ROCK1: variants seen among roughly 807,000 people sequenced by gnomAD.
ROCK1 encodes the protein Rho associated coiled-coil containing protein kinase 1, also known as rho-associated protein kinase 1.
ROCK1 carries 36 observed loss-of-function variants against 196.8 expected under a neutral mutation model. The observed-to-expected ratio is 0.18, with a 90% confidence interval of 0.14 to 0.24. The LOEUF (loss-of-function observed/expected upper bound fraction) is 0.24, where lower values mean the gene tolerates loss of function less well. Among genes scored for constraint, ROCK1 ranks in the 10% least tolerant of loss-of-function variants. The pLI is 1.00. For missense variants in ROCK1, 920 were observed against 1,562.0 expected, an observed-to-expected ratio of 0.59 and a Z score of 6.93; for synonymous variants, 443 against 515.9, an observed-to-expected ratio of 0.86 and a Z score of 1.91.
intron 22 of ROCK1, among the ~76,000 whole-genome samples, chr18:20,972,532 G>T (rs759154422): frequency 6.6e-6 from 1 of 152,170 alleles, no homozygotes. Context: ...AACTTTTAAC[G>T]GTCTCAGCAA....
chr18:20,969,103 A>G lies in ROCK1; in HGVS notation c.2914+12T>C, dbSNP rs1185303230. 1 of 1,522,648 alleles carries G rather than the reference A, an allele frequency of 6.6e-7. No individual in the cohort carries two copies. The highest frequency in any genetic ancestry group is 9.0e-7 in the Non-Finnish European group (1 of 1,108,566). 94.3% of individuals were successfully genotyped at this position (1,522,648 alleles called of 1,614,324 possible). On this transcript the variant is annotated intron_variant, in intron 24 of 32. Coordinates refer to ENST00000399799, the MANE Select transcript of ROCK1 (RefSeq NM_005406.3). ...TGATTTAACATGATGATTTTTTAAA[A>G]ATTCTACATACCTTCCTCTGCCTTC... is the stretch of plus-strand genomic sequence containing the variant.
At chr18:21,071,477 G>A (rs183708489) in intron 1 of ROCK1, among the ~76,000 whole-genome samples, 107 of 152,052 alleles carry the variant, frequency 7.0e-4, no homozygotes, top group Non-Finnish European at 1.2e-3. Context: ...ACGCCTGGCC[G>A]AACTTTTGCT....
At chr18:21,010,311 T>C (rs2035805950) in intron 13 of ROCK1, among the ~76,000 whole-genome samples, 1 of 152,208 alleles carries the variant, frequency 6.6e-6, no homozygotes, top group South Asian at 2.1e-4. Flanking sequence ...ACTTTTCCTC[T>C]TTTCTAAGGT....
chr18:21,043,560 T>C (rs1242192803), intron 6 of ROCK1, among the ~76,000 whole-genome samples: 2 of 139,736 alleles, frequency 1.4e-5, no homozygotes, highest in Admixed American at 1.4e-4. Flanking sequence ...ATTATATGTA[T>C]ATACATATAC....
chr18:21,046,298 G>T (rs2036158175), intron 4 of ROCK1, among the ~76,000 whole-genome samples: 2 of 152,136 alleles, frequency 1.3e-5, no homozygotes, highest in South Asian at 4.1e-4. Context: ...ACACTGTAAG[G>T]ACTATACTTC....
In ROCK1 at chr18:20,947,996, G is replaced by A. The variant is rs2035145780; in HGVS notation, c.*3388C>T. The stretch of plus-strand genomic sequence containing the variant: ...ATGGTGGTGGGCACCTGTAATCCCA[G>A]CTACTCGGGAGTCTGAGGCAGGAGG... On this transcript the variant is annotated 3_prime_UTR_variant, in exon 33 of 33. Transcript: ENST00000399799. 1 of 151,998 alleles carries A rather than the reference G, an allele frequency of 6.6e-6. No individual in the cohort carries two copies. Among genetic ancestry groups the A allele is most frequent in the South Asian group, 2.1e-4 (1 of 4,818 alleles). The allele number at this position is 151,998 out of a possible 1,614,324, so 9.4% of individuals were successfully genotyped here.
chr18:21,041,399 T>C (rs2036105116), intron 8 of ROCK1, among the ~76,000 whole-genome samples: 1 of 151,856 alleles, frequency 6.6e-6, no homozygotes, highest in Non-Finnish European at 1.5e-5. Context: ...TAGGTCTCCC[T>C]AATATTTAAC....
chr18:21,103,769 A>G (rs1446087440), intron 1 of ROCK1, among the ~76,000 whole-genome samples: 1 of 152,176 alleles, frequency 6.6e-6, no homozygotes, highest in South Asian at 2.1e-4. Context: ...CACAAGAGAC[A>G]TCAGCAACTA....
intron 10 of ROCK1, among the ~76,000 whole-genome samples, 197 bp from the exon 11 acceptor site, chr18:21,023,877 TC>T (rs1266833520): frequency 6.6e-6 from 1 of 152,128 alleles, no homozygotes; most frequent in Non-Finnish European, 1.5e-5. Flanking sequence ...CCCAGTTAGG[TC>T]TAAAAATAGT....
chr18:21,000,793 C>T (rs1251163788), intron 16 of ROCK1, among the ~76,000 whole-genome samples: 1 of 152,154 alleles, frequency 6.6e-6, no homozygotes, highest in Non-Finnish European at 1.5e-5. Flanking sequence ...AAACTGGAAT[C>T]CTGTACATTG....
chr18:20,960,079 C>T, intron 28 of ROCK1, 57 bp downstream of exon 28: 1 of 1,252,974 alleles, frequency 8.0e-7, no homozygotes. Flanking sequence ...AAGTTCTATG[C>T]TCCAAAGTAA....
Position 21,044,092 on chromosome 18 carries a change from G to A in ROCK1, c.675+10C>T. On this transcript the variant is annotated intron_variant, in intron 6 of 32. Coordinates refer to ENST00000399799, the MANE Select transcript of ROCK1 (RefSeq NM_005406.3). ...TTAGCAAAAACTAAATTAAAATCTAGTTAATTAACCTTATTCATCTTCATA... is the reference window on the plus strand; with the variant it reads ...TTAGCAAAAACTAAATTAAAATCTAATTAATTAACCTTATTCATCTTCATA... 1 of 1,522,500 alleles carries A rather than the reference G, an allele frequency of 6.6e-7. No homozygotes were observed. The highest frequency in any genetic ancestry group is 9.1e-7 in the Non-Finnish European group (1 of 1,104,744). 94.3% of individuals were successfully genotyped at this position (1,522,500 alleles called of 1,614,324 possible).
chr18:20,991,684 G>C (rs1598520274), intron 17 of ROCK1, among the ~76,000 whole-genome samples: 1 of 151,664 alleles, frequency 6.6e-6, no homozygotes, highest in South Asian at 2.1e-4. Flanking sequence ...ACCCAGGCTG[G>C]AGTGCAGTGG....
chr18:21,015,301 T>G (rs2035853614), intron 13 of ROCK1, 130 bp downstream of exon 13: 4 of 691,816 alleles, frequency 5.8e-6, no homozygotes, highest in Non-Finnish European at 1.0e-5. Context: ...AGGTGAGGCT[T>G]TCATCACAAT....
intron 21 of ROCK1, among the ~76,000 whole-genome samples, chr18:20,980,414 C>G (rs113298908): frequency 6.6e-6 from 1 of 151,878 alleles, no homozygotes; most frequent in Non-Finnish European, 1.5e-5. Flanking sequence ...AATTCTAGGA[C>G]AGGTGAAAAT....
intron 27 of ROCK1, among the ~76,000 whole-genome samples, chr18:20,964,628 G>A (rs2035355761): frequency 6.6e-6 from 1 of 152,120 alleles, no homozygotes; most frequent in African/African-American, 2.4e-5. Flanking sequence ...TCTAGCAAGG[G>A]AGAATGGCTA....
intron 1 of ROCK1, among the ~76,000 whole-genome samples, chr18:21,079,319 T>C (rs1233905090): frequency 1.3e-5 from 2 of 152,194 alleles, no homozygotes; most frequent in African/African-American, 4.8e-5. Context: ...CTCCATATTT[T>C]TCTGCTGCCT....
intron 4 of ROCK1, among the ~76,000 whole-genome samples, chr18:21,047,581 C>G (rs1164120295): frequency 6.6e-6 from 1 of 152,108 alleles, no homozygotes; most frequent in Non-Finnish European, 1.5e-5. Context: ...ATCACGAGGT[C>G]AGGAGATCGA....
chr18:20,953,602 A>C lies in ROCK1; in HGVS notation c.4037T>G (p.Val1346Gly). The C allele has an allele frequency of 6.3e-7, 1 of 1,594,684 alleles. No homozygotes were observed. Among genetic ancestry groups the C allele is most frequent in the Non-Finnish European group, 8.5e-7 (1 of 1,175,494 alleles). Residue 1346 changes from valine (V) to glycine (G), a missense_variant, in exon 32 of 33, where the codon GTC (valine) becomes GGC (glycine). Physicochemically the swap from Val to Gly is moderately radical, Grantham distance 109. This residue lies in a region of ROCK1 where 49 missense variants were observed against 180.4 expected (regional missense o/e 0.27). Transcript: ENST00000399799. The part of the protein sequence containing the change: ...STANQSFRKV[V>G]KNTSGKTS ...CCTAGTTTTTCCAGATGTATTTTTG[A>C]CCACTTTCCGGAAAGACTGATTTGC...
Sources: gnomAD v4.1 joint callset for allele counts (sites outside exome capture counted in the v4.1 genomes callset) on GRCh38, gnomAD v4.1.1 for gene constraint, gnomAD v4.1.1 regional missense constraint, MANE v1.5 for transcripts, NCBI Gene and HGNC (gene_info 2026-07-23, HGNC 2026-07-21) for gene names.